QKI: variants seen among roughly 807,000 people sequenced by gnomAD.
The protein encoded by QKI is KH domain-containing RNA-binding protein QKI.
In QKI, 10 loss-of-function variants were observed where a neutral mutation model predicts 39.0. That is an observed-to-expected ratio of 0.26 (90% CI 0.16 to 0.43). The LOEUF (loss-of-function observed/expected upper bound fraction) is 0.43, where lower values mean the gene tolerates loss of function less well. Ranked by LOEUF, QKI falls within the 20% of genes least tolerant of loss-of-function variation. The pLI, the probability that QKI is intolerant of heterozygous loss-of-function variation, is 1.00. For missense variants in QKI, 218 were observed against 428.0 expected (o/e 0.51, Z 4.33); for synonymous variants, 204 against 155.4 (o/e 1.31, Z -2.33).
intron 4 of QKI, among the ~76,000 whole-genome samples, chr6:163,557,828 A>AG (rs1035090450): frequency 2.0e-5 from 3 of 152,192 alleles, no homozygotes; most frequent in African/African-American, 7.2e-5. Flanking sequence ...TAAAAAAAAA[A>AG]AAAGAAATAT....
In QKI at chr6:163,558,349, G is replaced by A. The variant is rs114095868; in HGVS notation, c.547-3633G>A. On this transcript the variant is annotated intron_variant, in intron 4 of 7. Coordinates refer to ENST00000361752, the MANE Select transcript of QKI (RefSeq NM_006775.3). The stretch of plus-strand genomic sequence containing the variant: ...ACAGTAACATTGAAATAACCACTTC[G>A]ATGTGAAAGTAATTCTATAATTAAC... Among the ~76,000 whole-genome samples the A allele has an allele frequency of 4.5e-3, 682 of 151,672 alleles. 7 individuals carry two copies. The highest frequency in any genetic ancestry group is 0.015 in the African/African-American group (628 of 41,394).
chr6:163,417,681 T>A (rs1787637355), intron 1 of QKI, among the ~76,000 whole-genome samples: 1 of 152,206 alleles, frequency 6.6e-6, no homozygotes, highest in Non-Finnish European at 1.5e-5. Context: ...TGATATCTCC[T>A]AGATAATGTT....
chr6:163,417,223 T>A (rs1408236824), intron 1 of QKI, among the ~76,000 whole-genome samples: 1 of 152,108 alleles, frequency 6.6e-6, no homozygotes, highest in Non-Finnish European at 1.5e-5. Context: ...GTTAAAGTTT[T>A]AGTAGTATTA....
At chr6:163,438,913 C>G (rs1344213621) in intron 1 of QKI, among the ~76,000 whole-genome samples, 1 of 152,124 alleles carries the variant, frequency 6.6e-6, no homozygotes, top group Non-Finnish European at 1.5e-5. Context: ...ACTACAATTA[C>G]AGTTTAAAAT....
intron 6 of QKI, chr6:163,566,106 A>T: frequency 6.8e-7 from 1 of 1,473,780 alleles, no homozygotes; most frequent in South Asian, 1.4e-5. Flanking sequence ...ATAGATATAA[A>T]GTAAAATTAT....
chr6:163,507,901 T>C (rs1779201099), intron 3 of QKI, among the ~76,000 whole-genome samples: 1 of 152,120 alleles, frequency 6.6e-6, no homozygotes, highest in Non-Finnish European at 1.5e-5. Context: ...TTTGTTTTTG[T>C]TTTTTTAAAT....
rs199671842 is a variant in QKI, at chr6:163,570,668, G to T, written c.1010-26G>T. On this transcript the variant is annotated intron_variant, in intron 7 of 7. Coordinates refer to ENST00000361752, the MANE Select transcript of QKI (RefSeq NM_006775.3). ...TCTTTTCTTTTCTTTTTTTTGTTTT[G>T]TTTTTTTTTGTTTCTAACCACCCAG... 6.9e-5 allele frequency: 109 copies of T among 1,575,992 alleles called. No individual in the cohort carries two copies. In the East Asian group the frequency reaches 1.3e-3, roughly 19 times the overall value.
intron 4 of QKI, among the ~76,000 whole-genome samples, chr6:163,551,804 A>G (rs1211210612): frequency 2.0e-5 from 3 of 152,234 alleles, no homozygotes; most frequent in Non-Finnish European, 4.4e-5. Context: ...TTACCTTGGA[A>G]GTCTTGTAAG....
chr6:163,465,531 A>AGGCAGG (rs1190192293), intron 2 of QKI, among the ~76,000 whole-genome samples: 1 of 150,860 alleles, frequency 6.6e-6, no homozygotes, highest in Non-Finnish European at 1.5e-5. Context: ...CGGGAGGCTG[A>AGGCAGG]GGCAGGAGAA....
At chr6:163,496,042 C>T (rs1036053057) in intron 3 of QKI, among the ~76,000 whole-genome samples, 3 of 152,176 alleles carry the variant, frequency 2.0e-5, no homozygotes, top group Non-Finnish European at 2.9e-5. Context: ...ATTTTCGTAT[C>T]ATTCCCTTTA....
intron 3 of QKI, among the ~76,000 whole-genome samples, chr6:163,530,851 C>T (rs902856401): frequency 1.3e-5 from 2 of 152,144 alleles, no homozygotes; most frequent in Non-Finnish European, 2.9e-5. Flanking sequence ...GGTGAAAACT[C>T]AGTGGGTCCT....
intron 3 of QKI, among the ~76,000 whole-genome samples, chr6:163,517,416 TGTTTTG>T (rs970356750): frequency 3.9e-5 from 6 of 152,146 alleles, no homozygotes; most frequent in African/African-American, 9.7e-5. Context: ...TTTTGTTTTT[TGTTTTG>T]GTTTTGGTTT....
At chr6:163,426,828 A>G (rs1788442442) in intron 1 of QKI, among the ~76,000 whole-genome samples, 1 of 152,190 alleles carries the variant, frequency 6.6e-6, no homozygotes, top group African/African-American at 2.4e-5. Context: ...AGTTGCTTCA[A>G]ATGGAGACCA....
chr6:163,437,671 G>A (rs944701083), intron 1 of QKI, among the ~76,000 whole-genome samples: 1 of 152,282 alleles, frequency 6.6e-6, no homozygotes, highest in East Asian at 1.9e-4. Context: ...GGTTTCAGGT[G>A]TGATGCTTTT....
intron 3 of QKI, among the ~76,000 whole-genome samples, chr6:163,483,418 A>ACAAAGAT (rs1405564757): frequency 6.6e-6 from 1 of 152,194 alleles, no homozygotes; most frequent in Non-Finnish European, 1.5e-5. Context: ...TCTAGCATGC[A>ACAAAGAT]GTGCTTTTTG....
intron 3 of QKI, among the ~76,000 whole-genome samples, chr6:163,499,969 G>T (rs1335187357): frequency 6.6e-6 from 1 of 152,166 alleles, no homozygotes; most frequent in Non-Finnish European, 1.5e-5. Flanking sequence ...GAGGGCCAAT[G>T]AAGGACTCTG....
rs538663237 is a variant in QKI at position 163,518,328 on chromosome 6, A to G, written c.403-16654A>G. 2.0e-5 allele frequency among the ~76,000 whole-genome samples: 3 copies of G among 152,288 alleles called. No homozygotes were observed. In the East Asian group the frequency reaches 5.8e-4, roughly 29 times the overall value. On this transcript the variant is annotated intron_variant, in intron 3 of 7. Coordinates refer to ENST00000361752, the MANE Select transcript of QKI (RefSeq NM_006775.3). ...GTGTTTGAATATCCAGTCAAAGATA[A>G]GATACAATCAATGCCTGCCCTTTTG...
chr6:163,576,521 G>A lies in QKI; in HGVS notation c.*5811G>A, dbSNP rs1019043365. On this transcript the variant is annotated 3_prime_UTR_variant, in exon 8 of 8. Coordinates refer to ENST00000361752, the MANE Select transcript of QKI (RefSeq NM_006775.3). Reference sequence around the variant, plus strand: ...TTTTATTACCAAATATATCTTTTATGGTTTATATTGTAGTGGTATGTATGA... The same window carrying A: ...TTTTATTACCAAATATATCTTTTATAGTTTATATTGTAGTGGTATGTATGA... 6.6e-6 allele frequency: 1 copy of A among 151,618 alleles called. No homozygotes were observed. The highest frequency in any genetic ancestry group is 2.4e-5 in the African/African-American group (1 of 41,144). The allele number at this position is 151,618 out of a possible 1,614,324, so 9.4% of individuals were successfully genotyped here.
At chr6:163,490,825 A>G (rs923560996) in intron 3 of QKI, among the ~76,000 whole-genome samples, 1 of 152,184 alleles carries the variant, frequency 6.6e-6, no homozygotes, top group African/African-American at 2.4e-5. Flanking sequence ...AAGACAAATG[A>G]TCAAGTCTCA....
Sources: gnomAD v4.1 joint callset for allele counts (sites outside exome capture counted in the v4.1 genomes callset) on GRCh38, gnomAD v4.1.1 for gene constraint, MANE v1.5 for transcripts, NCBI Gene and HGNC (gene_info 2026-07-23, HGNC 2026-07-21) for gene names.